The following MTUS1 variants were observed in gnomAD, a reference collection of about 807,000 sequenced individuals.
MTUS1 encodes microtubule-associated tumor suppressor 1.
MTUS1 carries 109 observed loss-of-function variants against 120.8 expected under a neutral mutation model. The observed-to-expected ratio is 0.90, with a 90% CI of 0.77 to 1.06. MTUS1 has a LOEUF of 1.06. MTUS1 is among the 50% of genes least tolerant of loss of function. The probability of loss-of-function intolerance (pLI) is 0.00; values close to 1 mark genes in which losing one functional copy is unlikely to be tolerated. For synonymous variants in MTUS1, 737 were observed against 550.5 expected (o/e 1.34, Z -4.74); for missense variants, 2,210 against 1,486.3 (o/e 1.49, Z -8.01).
intron 12 of MTUS1, among the ~76,000 whole-genome samples, chr8:17,652,240 T>C (rs962228941): frequency 6.6e-6 from 1 of 152,198 alleles, no homozygotes; most frequent in African/African-American, 2.4e-5. Context: ...ACAAGAAATT[T>C]CAGCTTCCAA....
intron 7 of MTUS1, among the ~76,000 whole-genome samples, chr8:17,678,283 G>A (rs867892974): frequency 9.2e-5 from 14 of 152,192 alleles, no homozygotes; most frequent in Admixed American, 5.9e-4. Flanking sequence ...TTCTCTCTTA[G>A]ATGATAAACT....
At chr8:17,745,688 G>T (rs1440668250) in intron 2 of MTUS1, among the ~76,000 whole-genome samples, 1 of 152,156 alleles carries the variant, frequency 6.6e-6, no homozygotes, top group African/African-American at 2.4e-5. Flanking sequence ...TCCCCTGGGG[G>T]CTCTCTCTAC....
At chr8:17,668,106 C>A (rs1811276114) in intron 8 of MTUS1, among the ~76,000 whole-genome samples, 2 of 145,220 alleles carry the variant, frequency 1.4e-5, no homozygotes, top group African/African-American at 5.0e-5. Context: ...AAATAATCTT[C>A]ATTAATTTAG....
intron 4 of MTUS1, chr8:17,721,722 A>T (rs1186072034): frequency 1.3e-6 from 2 of 1,566,700 alleles, no homozygotes; most frequent in East Asian, 4.5e-5. Context: ...TTTTTTTCCC[A>T]GTAAACGTGG....
At chr8:17,756,671 A>ACCCCCCCCG (rs1177055386) in intron 1 of MTUS1, among the ~76,000 whole-genome samples, 1 of 117,484 alleles carries the variant, frequency 8.5e-6, no homozygotes, top group Non-Finnish European at 1.7e-5. Context: ...TCAAGCCCAA[A>ACCCCCCCCG]CCCCCACCCC....
Position 17,753,750 on chromosome 8 carries a change from C to G in MTUS1, c.2058G>C (p.Met686Ile), listed in dbSNP as rs1586176345. 6.2e-7 allele frequency: 1 copy of G among 1,610,728 alleles called. No individual in the cohort carries two copies. The highest frequency in any genetic ancestry group is 1.3e-5 in the African/African-American group (1 of 74,728). ...MEKQELKQEIMNETFEYGSLF... is the reference protein window; with the variant it reads ...MEKQELKQEIINETFEYGSLF... ...GAGAACCATATTCAAAAGTCTCATT[C>G]ATAATCTCTTGTTTCAGCTCTTGTT... The change falls in exon 2 of 15, where the codon ATG becomes ATC. Residue 686 changes from methionine to isoleucine, a missense_variant. By Grantham distance (10) the Met-to-Ile change is conservative. Coordinates refer to ENST00000693296, the MANE Select transcript of MTUS1 (RefSeq NM_001363059.2).
intron 8 of MTUS1, among the ~76,000 whole-genome samples, chr8:17,663,647 G>C (rs1205431299): frequency 2.0e-5 from 3 of 152,222 alleles, no homozygotes; most frequent in East Asian, 3.9e-4. Flanking sequence ...CCAGGCTGGA[G>C]TGTAGTGGCA....
rs949132129 is a variant in MTUS1, at chr8:17,646,998, G to A, written c.3583C>T (p.His1195Tyr). 1 of 1,613,448 alleles carries A rather than the reference G, an allele frequency of 6.2e-7. No homozygotes were observed. Among genetic ancestry groups the A allele is most frequent in the African/African-American group, 1.3e-5 (1 of 74,888 alleles). Reference protein sequence around the residue: ...NEELKARMDKHMAISRQLSTE... With the variant: ...NEELKARMDKYMAISRQLSTE... ...TATTTTTACCTTGAGATTGCCATGTGCTTGTCCATCCGAGCTTTCAATTCT... is the reference window on the plus strand; with the variant it reads ...TATTTTTACCTTGAGATTGCCATGTACTTGTCCATCCGAGCTTTCAATTCT... Residue 1195 changes from histidine to tyrosine, a missense_variant, in exon 14 of 15, where the codon CAC becomes TAC. Transcript: ENST00000693296.
chr8:17,651,207 G>C (rs1199266505), intron 12 of MTUS1, among the ~76,000 whole-genome samples: 1 of 152,016 alleles, frequency 6.6e-6, no homozygotes, highest in Admixed American at 6.6e-5. Flanking sequence ...GTGGGGTGGG[G>C]TGGGATGAGG....
At chr8:17,753,531 T>G (rs1012587622) in intron 2 of MTUS1, among the ~76,000 whole-genome samples, 186 bp downstream of exon 2, 3 of 152,144 alleles carry the variant, frequency 2.0e-5, no homozygotes, top group Non-Finnish European at 4.4e-5. Flanking sequence ...TTTTTCCATA[T>G]GCAGTTTTGT....
chr8:17,711,180 G>C (rs1476992608), intron 6 of MTUS1, among the ~76,000 whole-genome samples: 1 of 152,184 alleles, frequency 6.6e-6, no homozygotes, highest in Non-Finnish European at 1.5e-5. Context: ...AGAAGTATTA[G>C]CTTCTAATAA....
At chr8:17,783,325 G>C (rs1383840912) in intron 1 of MTUS1, among the ~76,000 whole-genome samples, 2 of 152,128 alleles carry the variant, frequency 1.3e-5, no homozygotes, top group African/African-American at 4.8e-5. Flanking sequence ...CACTGCTAAA[G>C]GTGGGGGTGT....
In MTUS1 at chr8:17,644,581, G is replaced by T. The variant is rs914693044; in HGVS notation, c.*1345C>A. 6 of 152,354 alleles carry T rather than the reference G, an allele frequency of 3.9e-5. No homozygotes were observed. Among genetic ancestry groups the T allele is most frequent in the Non-Finnish European group, 5.9e-5 (4 of 68,034 alleles). The allele number at this position is 152,354 out of a possible 1,614,324, so 9.4% of individuals were successfully genotyped here. On this transcript the variant is annotated 3_prime_UTR_variant, in exon 15 of 15. Coordinates refer to ENST00000693296, the MANE Select transcript of MTUS1 (RefSeq NM_001363059.2). ...CACATTTTCCACTCATGGGAAAGAA[G>T]CGGACCATTCTGCTACTTTCCCAAA... is the stretch of plus-strand genomic sequence containing the variant.
At chr8:17,702,644 G>T (rs1255903131) in intron 6 of MTUS1, among the ~76,000 whole-genome samples, 1 of 152,132 alleles carries the variant, frequency 6.6e-6, no homozygotes, top group Non-Finnish European at 1.5e-5. Context: ...CCCATGACTG[G>T]TTTATTTCAC....
chr8:17,742,124 T>C (rs2047360315), intron 3 of MTUS1, among the ~76,000 whole-genome samples: 1 of 152,054 alleles, frequency 6.6e-6, no homozygotes, highest in Admixed American at 6.6e-5. Context: ...AGGGTTTTGC[T>C]CTGCTGCCCA....
intron 3 of MTUS1, 130 bp from the exon 4 acceptor site, chr8:17,723,963 G>A: frequency 4.2e-6 from 3 of 710,938 alleles, no homozygotes; most frequent in South Asian, 2.0e-5. Context: ...TCACAATCAT[G>A]TAACTTCAGA....
At chr8:17,737,958 T>G (rs1412091265) in intron 3 of MTUS1, among the ~76,000 whole-genome samples, 1 of 152,178 alleles carries the variant, frequency 6.6e-6, no homozygotes, top group Non-Finnish European at 1.5e-5. Flanking sequence ...TGAAATTACC[T>G]TAACACGAAA....
chr8:17,653,144 G>C (rs367673420), intron 12 of MTUS1, 42 bp downstream of exon 12: 282 of 1,199,474 alleles, frequency 2.4e-4, no homozygotes, highest in Non-Finnish European at 3.0e-4. Context: ...AGGCAACTGA[G>C]AAGAAAAATT....
intron 8 of MTUS1, among the ~76,000 whole-genome samples, chr8:17,672,635 A>G (rs956743374): frequency 6.6e-6 from 1 of 152,032 alleles, no homozygotes; most frequent in Admixed American, 6.5e-5. Flanking sequence ...CAGAACCAAA[A>G]CCCTTCTCCA....
Sources: allele counts gnomAD v4.1 joint callset (sites outside exome capture counted in the v4.1 genomes callset), GRCh38; gene constraint gnomAD v4.1.1; transcripts MANE v1.5; gene names NCBI Gene and HGNC (gene_info 2026-07-23, HGNC 2026-07-21).